BICD1: variants seen among roughly 807,000 people sequenced by gnomAD.
The protein encoded by BICD1 is protein bicaudal D homolog 1.
Under a neutral mutation model 92.5 loss-of-function variants are expected in BICD1, and 35 were observed. That is an observed-to-expected ratio of 0.38 (90% confidence interval 0.29 to 0.50). BICD1 has a LOEUF of 0.50. Ranked by LOEUF, BICD1 falls within the 20% of genes least tolerant of loss-of-function variation. The probability of loss-of-function intolerance (pLI) is 0.93; values close to 1 mark genes in which losing one functional copy is unlikely to be tolerated. For missense variants in BICD1, 950 were observed against 1,189.8 expected (o/e 0.80, Z 2.97); for synonymous variants, 429 against 465.1 (o/e 0.92, Z 1.00).
chr12:32,236,387 T>A (rs2136070965), intron 2 of BICD1, among the ~76,000 whole-genome samples: 1 of 151,518 alleles, frequency 6.6e-6, no homozygotes, highest in African/African-American at 2.4e-5. Context: ...AGAGCAAGAC[T>A]CCATCTCAAA....
chr12:32,176,457 T>C (rs1424285434), intron 1 of BICD1, among the ~76,000 whole-genome samples: 1 of 152,220 alleles, frequency 6.6e-6, no homozygotes, highest in African/African-American at 2.4e-5. Context: ...AGATCTTAAG[T>C]GTACAGTTCA....
At chr12:32,296,114 G>A (rs1947860794) in intron 3 of BICD1, among the ~76,000 whole-genome samples, 1 of 150,668 alleles carries the variant, frequency 6.6e-6, no homozygotes, top group African/African-American at 2.4e-5. Flanking sequence ...TATGTGTGCT[G>A]AGGGCTGGCC....
intron 9 of BICD1, among the ~76,000 whole-genome samples, chr12:32,368,895 C>T (rs1939625565): frequency 6.6e-6 from 1 of 152,008 alleles, no homozygotes; most frequent in Non-Finnish European, 1.5e-5. Flanking sequence ...GCCTGGGTAA[C>T]AGAGCAAGAC....
chr12:32,367,755 G>A lies in BICD1; in HGVS notation c.2840+10G>A. ...ACTGCCCAACTGTCAGGTAAATTCA[G>A]ATGTCCTTTCCCTTCCACCCAGCTG... On this transcript the variant is annotated intron_variant, in intron 9 of 9. Transcript: ENST00000652176. The A allele has an allele frequency of 1.2e-6, 2 of 1,611,996 alleles. No individual in the cohort carries two copies. Among genetic ancestry groups the A allele is most frequent in the Non-Finnish European group, 1.7e-6 (2 of 1,178,138 alleles).
intron 8 of BICD1, among the ~76,000 whole-genome samples, chr12:32,358,714 C>T (rs1455640093): frequency 7.3e-5 from 11 of 151,582 alleles, no homozygotes; most frequent in East Asian, 3.9e-4. Context: ...TCCAGCCTGG[C>T]GACAGAGTGA....
intron 1 of BICD1, among the ~76,000 whole-genome samples, chr12:32,135,079 G>C (rs2608400): frequency 1.6e-4 from 20 of 127,948 alleles, no homozygotes; most frequent in South Asian, 2.7e-4. Context: ...CCCCTTCCCC[G>C]CTCCCCTCCT....
intron 2 of BICD1, among the ~76,000 whole-genome samples, chr12:32,273,850 G>A (rs574289107): frequency 5.9e-5 from 9 of 152,370 alleles, no homozygotes; most frequent in Non-Finnish European, 8.8e-5. Flanking sequence ...TCAGCAAAGC[G>A]AGAGGGAGTC....
intron 2 of BICD1, among the ~76,000 whole-genome samples, chr12:32,250,760 C>T (rs776093159): frequency 2.0e-5 from 3 of 152,018 alleles, no homozygotes; most frequent in African/African-American, 4.8e-5. Context: ...GTGGGCGGAT[C>T]ATTTGAGCCT....
At chr12:32,133,031 T>G (rs1942607769) in intron 1 of BICD1, among the ~76,000 whole-genome samples, 1 of 152,140 alleles carries the variant, frequency 6.6e-6, no homozygotes, top group African/African-American at 2.4e-5. Context: ...AGGTTTCTTA[T>G]AAGGAGCTAG....
At chr12:32,227,098 C>G (rs901665435) in intron 2 of BICD1, among the ~76,000 whole-genome samples, 2 of 152,104 alleles carry the variant, frequency 1.3e-5, no homozygotes, top group African/African-American at 4.8e-5. Context: ...TGGAGAGCCT[C>G]CTCCATGTAA....
intron 2 of BICD1, among the ~76,000 whole-genome samples, chr12:32,259,589 G>A (rs1184385780): frequency 6.6e-6 from 1 of 152,084 alleles, no homozygotes; most frequent in Admixed American, 6.5e-5. Flanking sequence ...CCTCAATATG[G>A]GGCATTGCTG....
chr12:32,310,081 T>G (rs261900), intron 4 of BICD1, among the ~76,000 whole-genome samples: 96,441 of 152,056 alleles, frequency 0.63, 31,278 homozygotes, highest in Middle Eastern at 0.72. Context: ...AGGCTGTAAC[T>G]CCCTGAACCA....
chr12:32,238,934 A>C (rs1223998101), intron 2 of BICD1, among the ~76,000 whole-genome samples: 1 of 130,994 alleles, frequency 7.6e-6, no homozygotes, highest in Non-Finnish European at 1.6e-5. Context: ...ACAAGAGCAA[A>C]ACTCTGTCTC....
At chr12:32,300,287 T>C (rs1212953775) in intron 3 of BICD1, among the ~76,000 whole-genome samples, 1 of 151,918 alleles carries the variant, frequency 6.6e-6, no homozygotes, top group Non-Finnish European at 1.5e-5. Flanking sequence ...TATTTTTTAG[T>C]AGAGACGGTG....
At position 32,377,677 on chromosome 12, in the gene BICD1, C is replaced by A. The variant is rs758800679; in HGVS notation, c.*50C>A. The A allele has an allele frequency of 5.4e-6, 8 of 1,473,194 alleles. No individual in the cohort carries two copies. In the South Asian group the frequency reaches 7.9e-5, roughly 15 times the overall value. 91.3% of individuals were successfully genotyped at this position (1,473,194 alleles called of 1,614,324 possible). A position where few individuals can be genotyped will look rare whatever the true frequency, so the allele number is the denominator to read the frequency against. Reference sequence around the variant, plus strand: ...CTGGGGTGGAAGTTTTGTAGCCACACACAGGATACTGCCCAAGATCCAGCG... The same window carrying A: ...CTGGGGTGGAAGTTTTGTAGCCACAAACAGGATACTGCCCAAGATCCAGCG... On this transcript the variant is annotated 3_prime_UTR_variant, in exon 10 of 10. Coordinates refer to ENST00000652176, the MANE Select transcript of BICD1 (RefSeq NM_001714.4).
At chr12:32,351,302 A>G (rs1365010344) in intron 8 of BICD1, among the ~76,000 whole-genome samples, 1 of 151,630 alleles carries the variant, frequency 6.6e-6, no homozygotes, top group African/African-American at 2.4e-5. Flanking sequence ...CCTGGCCAAC[A>G]TGGTGAAACC....
At chr12:32,264,472 A>T (rs751476976) in intron 2 of BICD1, among the ~76,000 whole-genome samples, 3 of 152,182 alleles carry the variant, frequency 2.0e-5, no homozygotes, top group Non-Finnish European at 4.4e-5. Flanking sequence ...TACAGTAAAA[A>T]ATGTTTTTAG....
chr12:32,348,837 G>A (rs1358663667), intron 8 of BICD1, among the ~76,000 whole-genome samples: 1 of 126,338 alleles, frequency 7.9e-6, no homozygotes, highest in African/African-American at 3.1e-5. Flanking sequence ...CTAGATCACA[G>A]ATCCTGCCTC....
chr12:32,199,060 T>G (rs1026935207), intron 1 of BICD1, among the ~76,000 whole-genome samples: 3 of 152,236 alleles, frequency 2.0e-5, no homozygotes, highest in Admixed American at 6.5e-5. Context: ...AGACATGAAT[T>G]TGAGGCTGTT....
Sources: allele counts gnomAD v4.1 joint callset (sites outside exome capture counted in the v4.1 genomes callset), GRCh38; gene constraint gnomAD v4.1.1; transcripts MANE v1.5; gene names NCBI Gene and HGNC (gene_info 2026-07-23, HGNC 2026-07-21).